Variants in TOMM20L observed in about 807,000 individuals in gnomAD.
The protein encoded by TOMM20L is TOMM20-like protein 1.
Under a neutral mutation model 20.4 loss-of-function variants are expected in TOMM20L, and 19 were observed. The observed-to-expected ratio is 0.93, with a 90% CI of 0.65 to 1.36. The LOEUF is 1.36. Ranked by LOEUF, TOMM20L falls within the 40% of genes most tolerant of loss-of-function variation. TOMM20L has a pLI of 0.00. For missense variants in TOMM20L, 218 were observed against 203.7 expected (o/e 1.07, Z -0.43); for synonymous variants, 75 against 79.6 (o/e 0.94, Z 0.30).
intron 4 of TOMM20L, 152 bp from the exon 5 acceptor site, chr14:58,408,377 G>A (rs1207274621): frequency 2.1e-5 from 13 of 631,930 alleles, no homozygotes; most frequent in Non-Finnish European, 3.3e-5. Context: ...AGATTGTGCC[G>A]TTGCACTCCA....
intron 3 of TOMM20L, 123 bp from the exon 4 acceptor site, chr14:58,407,203 T>C (rs983118774): frequency 2.6e-5 from 23 of 872,754 alleles, no homozygotes; most frequent in Non-Finnish European, 3.6e-5. Flanking sequence ...TCACAAGACT[T>C]GTCTAAGTAG....
At chr14:58,396,226 G>T in intron 1 of TOMM20L, 72 bp from the exon 2 acceptor site, 1 of 1,595,224 alleles carries the variant, frequency 6.3e-7, no homozygotes, top group Non-Finnish European at 8.5e-7. Context: ...CGCCCGGGCA[G>T]GCAGGACCAC....
chr14:58,396,135 G>A (rs2035913231), intron 1 of TOMM20L, 42 bp downstream of exon 1: 2 of 1,277,378 alleles, frequency 1.6e-6, no homozygotes, highest in Non-Finnish European at 9.9e-7. Context: ...GCCGGGCAGC[G>A]CGGGCGGGCT....
rs1202781692 is a variant in TOMM20L, at chr14:58,407,352, C to G, written c.289C>G (p.Leu97Val). Residue 97 changes from leucine (L) to valine (V), a missense_variant, in exon 4 of 5, where the codon CTC becomes GTC. Coordinates refer to ENST00000360945, the MANE Select transcript of TOMM20L (RefSeq NM_207377.3). The stretch of plus-strand genomic sequence containing the variant: ...AGAGCACAGAATGGGGATTCAACAC[C>G]TCGGCAATGCCCTTTTAGTGTGCGA... ...RGEHRMGIQHLGNALLVCEQP... is the reference protein window; with the variant it reads ...RGEHRMGIQHVGNALLVCEQP... 2 of 1,609,766 alleles carry G rather than the reference C, an allele frequency of 1.2e-6. No homozygotes were observed. Among genetic ancestry groups the G allele is most frequent in the Non-Finnish European group, 1.7e-6 (2 of 1,178,450 alleles).
At position 58,404,528 on chromosome 14, in the gene TOMM20L, A is replaced by C. The variant is rs917747152; in HGVS notation, c.262+1767A>C. On this transcript the variant is annotated intron_variant, in intron 3 of 4. Coordinates refer to ENST00000360945, the MANE Select transcript of TOMM20L (RefSeq NM_207377.3). ...TTTTTTTCAAAAGGTTTTTTTTTTT[A>C]ATCTGTAAGGAGCATCCTCCAGGAT... 4.7e-5 allele frequency among the ~76,000 whole-genome samples: 7 copies of C among 148,466 alleles called. 1 individual carries two copies. Among genetic ancestry groups the C allele is most frequent in the South Asian group, 4.2e-4 (2 of 4,728 alleles).
chr14:58,411,340 C>T (rs1201503822), downstream of TOMM20L, among the ~76,000 whole-genome samples: 2 of 151,708 alleles, frequency 1.3e-5, no homozygotes, highest in African/African-American at 2.4e-5. Context: ...CCCAGCTACT[C>T]AGGAGGCTGA....
chr14:58,402,164 T>G (rs556496167), intron 2 of TOMM20L, among the ~76,000 whole-genome samples: 21 of 152,338 alleles, frequency 1.4e-4, no homozygotes, highest in African/African-American at 5.0e-4. Context: ...CTAACAAATA[T>G]TTCATGTTTT....
downstream of TOMM20L, among the ~76,000 whole-genome samples, chr14:58,412,629 G>A (rs926227971): frequency 2.0e-5 from 3 of 152,136 alleles, no homozygotes; most frequent in Admixed American, 6.5e-5. Flanking sequence ...AGCTGGGTGT[G>A]GTGGCTCATG....
At chr14:58,411,892 A>G (rs1566747380), downstream of TOMM20L, 1 of 1,613,372 alleles carries the variant, frequency 6.2e-7, no homozygotes, top group Non-Finnish European at 8.5e-7. Flanking sequence ...TTTCCCCTTA[A>G]TTAGAATACC....
downstream of TOMM20L, among the ~76,000 whole-genome samples, chr14:58,413,452 T>C (rs1437350946): frequency 6.6e-6 from 1 of 152,324 alleles, no homozygotes; most frequent in East Asian, 1.9e-4. Context: ...TTACAGGAAT[T>C]ATACATTCTA....
intron 4 of TOMM20L, 104 bp downstream of exon 4, chr14:58,407,572 C>G: frequency 7.8e-7 from 1 of 1,281,854 alleles, no homozygotes; most frequent in Middle Eastern, 2.0e-4. Context: ...TGCCCAAAAT[C>G]TTAAATAAGT....
the TOMM20L span, among the ~76,000 whole-genome samples, chr14:58,416,995 G>A: frequency 6.6e-6 from 1 of 152,074 alleles, no homozygotes; most frequent in African/African-American, 2.4e-5. Flanking sequence ...CTGGTGGGAG[G>A]TAATTGAATC....
intron 3 of TOMM20L, among the ~76,000 whole-genome samples, chr14:58,404,754 T>C (rs2036036460): frequency 6.6e-6 from 1 of 152,206 alleles, no homozygotes; most frequent in African/African-American, 2.4e-5. Flanking sequence ...GGAGTAATTT[T>C]TGAATGGACT....
chr14:58,404,099 G>GTGTGTGTATATATATGTATATATA lies in TOMM20L; in HGVS notation c.262+1339_262+1340insGTGTGTATATATATGTATATATAT, dbSNP rs1408980666. Among the ~76,000 whole-genome samples, 2 of 22,928 alleles carry GTGTGTGTATATATATGTATATATA rather than the reference G, an allele frequency of 8.7e-5. 1 individual carries two copies. The highest frequency in any genetic ancestry group is 2.7e-4 in the African/African-American group (2 of 7,536). 15.0% of individuals were successfully genotyped at this position (22,928 alleles called of 152,430 possible). On this transcript the variant is annotated intron_variant, in intron 3 of 4. Coordinates refer to ENST00000360945, the MANE Select transcript of TOMM20L (RefSeq NM_207377.3). ...GTACAATGTATATATACATATATAT[G>GTGTGTGTATATATATGTATATATA]TATATATATATATATATATATTTTT...
At chr14:58,412,184 C>A, downstream of TOMM20L, 1 of 424,952 alleles carries the variant, frequency 2.4e-6, no homozygotes, top group Non-Finnish European at 4.3e-6. Context: ...CACTCTGTCA[C>A]CAGGCTGGAG....
chr14:58,406,101 G>A (rs937680003), intron 3 of TOMM20L, among the ~76,000 whole-genome samples: 2 of 152,084 alleles, frequency 1.3e-5, no homozygotes, highest in African/African-American at 2.4e-5. Context: ...GTCATTTTCT[G>A]TCAGGTAAAA....
intron 2 of TOMM20L, among the ~76,000 whole-genome samples, 187 bp from the exon 3 acceptor site, chr14:58,402,493 G>T (rs948280475): frequency 2.0e-5 from 3 of 152,014 alleles, no homozygotes; most frequent in Non-Finnish European, 4.4e-5. Flanking sequence ...TCTCCATGTT[G>T]GTCAGGCTGG....
At chr14:58,404,090 C>CATATATGTGTGTGTGTATATATATATAT (rs1470382627) in intron 3 of TOMM20L, among the ~76,000 whole-genome samples, 2 of 16,834 alleles carry the variant, frequency 1.2e-4, no homozygotes, top group Non-Finnish European at 3.0e-4. Context: ...TGTATATATA[C>CATATATGTGTGTGTGTATATATATATAT]ATATATATGT....
chr14:58,408,155 G>A (rs901465305), intron 4 of TOMM20L, among the ~76,000 whole-genome samples: 7 of 152,140 alleles, frequency 4.6e-5, no homozygotes, highest in African/African-American at 7.2e-5. Flanking sequence ...GGTGGCTCAC[G>A]CCTGTAATCC....
Sources: gnomAD v4.1 joint callset for allele counts (sites outside exome capture counted in the v4.1 genomes callset) on GRCh38, gnomAD v4.1.1 for gene constraint, MANE v1.5 for transcripts, NCBI Gene and HGNC (gene_info 2026-07-23, HGNC 2026-07-21) for gene names.